The following ARID5B variants were observed in gnomAD, a reference collection of about 807,000 sequenced individuals.
ARID5B encodes AT-rich interactive domain-containing protein 5B.
Under a neutral mutation model 97.2 loss-of-function variants are expected in ARID5B, and 13 were observed. The observed-to-expected ratio is 0.13, with a 90% CI of 0.09 to 0.21. The LOEUF (loss-of-function observed/expected upper bound fraction) is 0.21. ARID5B is among the 10% of genes least tolerant of loss of function. The pLI is 1.00. For synonymous variants in ARID5B, 556 were observed against 570.3 expected (o/e 0.97, Z 0.36); for missense variants, 1,210 against 1,465.3 (o/e 0.83, Z 2.84).
At chr10:62,055,954 C>T (rs571177240) in intron 5 of ARID5B, among the ~76,000 whole-genome samples, 1 of 152,250 alleles carries the variant, frequency 6.6e-6, no homozygotes, top group East Asian at 1.9e-4. Context: ...TTATTCGTAA[C>T]ATTTCCCCAG....
intron 2 of ARID5B, among the ~76,000 whole-genome samples, chr10:61,927,236 T>C (rs529073821): frequency 3.9e-5 from 6 of 152,322 alleles, no homozygotes; most frequent in Middle Eastern, 3.4e-3. Context: ...GACCATTGTA[T>C]TGTAACAACT....
chr10:61,949,562 G>A (rs1159337690), intron 3 of ARID5B, among the ~76,000 whole-genome samples: 2 of 152,042 alleles, frequency 1.3e-5, no homozygotes, highest in African/African-American at 2.4e-5. Flanking sequence ...ACTTGAACCC[G>A]GGAGGCGGAG....
At chr10:62,034,097 C>T (rs931692868) in intron 4 of ARID5B, among the ~76,000 whole-genome samples, 9 of 152,162 alleles carry the variant, frequency 5.9e-5, no homozygotes, top group African/African-American at 1.7e-4. Flanking sequence ...TGTTTAATTT[C>T]GGGATGTCGT....
rs1311792241 is a variant in ARID5B, at chr10:61,902,348, T to A, written c.211T>A (p.Ser71Thr). Residue 71 changes from serine to threonine, a missense_variant, in exon 2 of 10, where the codon TCC becomes ACC. Around this residue, in one of 8 missense-constraint regions of ARID5B, gnomAD observed 80 missense variants for 133.2 expected, o/e 0.60. Coordinates refer to ENST00000279873, the MANE Select transcript of ARID5B (RefSeq NM_032199.3). ...AGAGAGGACCAGCCGGCAACTTTTA[T>A]CCAGCTCTAAACTTTATTTCCTCCC... ...WEERTSRQLLSSSKLYFLPED... is the reference protein window; with the variant it reads ...WEERTSRQLLTSSKLYFLPED... The A allele has an allele frequency of 6.2e-7, 1 of 1,614,178 alleles. No homozygotes were observed. Among genetic ancestry groups the A allele is most frequent in the Admixed American group, 1.7e-5 (1 of 60,018 alleles).
rs142921832 is a variant in ARID5B, at chr10:61,940,346, G to A, written c.440G>A (p.Arg147Lys). The change falls in exon 3 of 10, where the codon AGG (arginine) becomes AAG (lysine). Residue 147 changes from arginine to lysine, a missense_variant. Arg to Lys is a conservative substitution (Grantham distance 26). Transcript: ENST00000279873. ...CAGAAGGAAGCTCTGCTGAAGTACAGGCAGTCAACCCTAAACAGTGGACTC... is the reference window on the plus strand; with the variant it reads ...CAGAAGGAAGCTCTGCTGAAGTACAAGCAGTCAACCCTAAACAGTGGACTC... ...NGQKEALLKY[R>K]QSTLNSGLNF... is the part of the protein sequence containing the mutation. 3.7e-6 allele frequency: 6 copies of A among 1,614,152 alleles called. No individual in the cohort carries two copies. The highest frequency in any genetic ancestry group is 5.1e-6 in the Non-Finnish European group (6 of 1,180,022).
Position 62,000,166 on chromosome 10 carries a change from G to T in ARID5B, c.578G>T (p.Arg193Leu). The T allele has an allele frequency of 6.2e-7, 1 of 1,614,036 alleles. No homozygotes were observed. The highest frequency in any genetic ancestry group is 1.3e-5 in the African/African-American group (1 of 75,022). The change falls in exon 4 of 10, where the codon CGC (arginine) becomes CTC (leucine). Residue 193 changes from arginine to leucine, a missense_variant. Physicochemically the swap from Arg to Leu is moderately radical, Grantham distance 102. Transcript: ENST00000279873. This position sits in a 1 kb window ranked among gnomAD's most constrained non-coding sequence, Gnocchi z 4.4. ...TGCCGGTACCGCTCGATGCTGAAACGCATCCAGGATAAGCCATCTTCCATT... is the reference window on the plus strand; with the variant it reads ...TGCCGGTACCGCTCGATGCTGAAACTCATCCAGGATAAGCCATCTTCCATT... ...QYCRYRSMLK[R>L]IQDKPSSILT...
intron 4 of ARID5B, among the ~76,000 whole-genome samples, chr10:62,016,734 G>A (rs1371374710): frequency 6.6e-6 from 1 of 152,226 alleles, no homozygotes; most frequent in Admixed American, 6.5e-5. Context: ...ATGAGTGGAA[G>A]AAATATTTTG....
intron 2 of ARID5B, among the ~76,000 whole-genome samples, chr10:61,938,964 A>AGTGT (rs60329829): frequency 0.089 from 11,166 of 125,056 alleles, 543 homozygotes; most frequent in Non-Finnish European, 0.1. Flanking sequence ...GAATTGGAGA[A>AGTGT]GTGTGTGTGT....
At chr10:61,914,405 G>A (rs549527424) in intron 2 of ARID5B, among the ~76,000 whole-genome samples, 1 of 152,206 alleles carries the variant, frequency 6.6e-6, no homozygotes, top group Non-Finnish European at 1.5e-5. Context: ...ATATAATAGT[G>A]AACAATGAGT....
intron 2 of ARID5B, among the ~76,000 whole-genome samples, chr10:61,934,485 G>A (rs1363045037): frequency 6.6e-6 from 1 of 152,168 alleles, no homozygotes; most frequent in Non-Finnish European, 1.5e-5. Flanking sequence ...TTGATTTAAA[G>A]GGAGAGGCAT....
At chr10:62,041,090 A>G (rs1839630396) in intron 4 of ARID5B, among the ~76,000 whole-genome samples, 1 of 152,198 alleles carries the variant, frequency 6.6e-6, no homozygotes, top group Non-Finnish European at 1.5e-5. Context: ...ACATGTCACC[A>G]GGTATTATCA....
chr10:62,010,657 G>A (rs796529918), intron 4 of ARID5B, among the ~76,000 whole-genome samples: 7 of 152,146 alleles, frequency 4.6e-5, no homozygotes, highest in Non-Finnish European at 8.8e-5. Flanking sequence ...GACATTGTTC[G>A]TAATCTGGTC....
chr10:61,924,785 A>G (rs1844073432), intron 2 of ARID5B, among the ~76,000 whole-genome samples: 1 of 152,190 alleles, frequency 6.6e-6, no homozygotes, highest in Non-Finnish European at 1.5e-5. Flanking sequence ...GATGACCAGT[A>G]AGCTTTAATA....
chr10:62,090,751 A>T, intron 9 of ARID5B, 111 bp from the exon 10 acceptor site: 1 of 1,361,656 alleles, frequency 7.3e-7, no homozygotes. Flanking sequence ...TCACGAGCTG[A>T]TTGACAAGCC....
At chr10:62,082,706 A>C (rs370432820) in intron 8 of ARID5B, among the ~76,000 whole-genome samples, 1 of 152,216 alleles carries the variant, frequency 6.6e-6, no homozygotes, top group East Asian at 1.9e-4. Flanking sequence ...GAACGTTTAA[A>C]TGTTCAGAAA....
intron 4 of ARID5B, among the ~76,000 whole-genome samples, chr10:62,028,051 A>G (rs1354910849): frequency 6.6e-6 from 1 of 152,228 alleles, no homozygotes; most frequent in Non-Finnish European, 1.5e-5. Flanking sequence ...GGGATGGATG[A>G]GTTAACTCTA....
At chr10:62,019,121 G>A (rs1839321487) in intron 4 of ARID5B, among the ~76,000 whole-genome samples, 1 of 152,132 alleles carries the variant, frequency 6.6e-6, no homozygotes, top group African/African-American at 2.4e-5. Flanking sequence ...AGCAATTATT[G>A]TGAATAAGAA....
Position 62,069,816 on chromosome 10 carries a change from G to A in ARID5B, c.1199+19G>A, listed in dbSNP as rs746089014. ...ATGAAAGGTAAGAAACCATTTCATG[G>A]AATTGCTTAGTTAAAAGTGTGTTAA... On this transcript the variant is annotated intron_variant, in intron 8 of 9. Transcript: ENST00000279873. 4.4e-6 allele frequency: 7 copies of A among 1,608,810 alleles called. No homozygotes were observed. The South Asian group carries it at 4.4e-5, about 10-fold the overall frequency.
chr10:61,954,464 C>T lies in ARID5B; in HGVS notation c.502+14056C>T, dbSNP rs575752023. Among the ~76,000 whole-genome samples, 10 of 152,228 alleles carry T rather than the reference C, an allele frequency of 6.6e-5. No homozygotes were observed. In the South Asian group the frequency reaches 1.9e-3, roughly 28 times the overall value. On this transcript the variant is annotated intron_variant, in intron 3 of 9. Coordinates refer to ENST00000279873, the MANE Select transcript of ARID5B (RefSeq NM_032199.3). ...GTCCTACAGACCTGCTTTTTACTTCCTCTGATCACTCTTAGATCATGATTA... is the reference window on the plus strand; with the variant it reads ...GTCCTACAGACCTGCTTTTTACTTCTTCTGATCACTCTTAGATCATGATTA...
Sources: allele counts gnomAD v4.1 joint callset (sites outside exome capture counted in the v4.1 genomes callset), GRCh38; gene constraint gnomAD v4.1.1; regional missense constraint gnomAD v4.1.1; non-coding constraint Gnocchi (gnomAD v3.1); transcripts MANE v1.5; gene names NCBI Gene and HGNC (gene_info 2026-07-23, HGNC 2026-07-21).